Variants in MTA1 observed in about 807,000 individuals in gnomAD.
MTA1 encodes the protein metastasis associated 1, also known as metastasis-associated protein MTA1.
In MTA1, 15 loss-of-function variants were observed where a neutral mutation model predicts 97.0. That is an observed-to-expected ratio of 0.15 (90% CI 0.10 to 0.24). MTA1 has a LOEUF of 0.24. MTA1 is among the 10% of genes least tolerant of loss of function. The probability of loss-of-function intolerance (pLI) is 1.00; values close to 1 mark genes in which losing one functional copy is unlikely to be tolerated. For synonymous variants in MTA1, 435 were observed against 417.5 expected (o/e 1.04, Z -0.51); for missense variants, 709 against 1,015.1 (o/e 0.70, Z 4.10).
intron 6 of MTA1, among the ~76,000 whole-genome samples, chr14:105,452,079 A>T (rs1448742335): frequency 6.6e-6 from 1 of 152,202 alleles, no homozygotes; most frequent in Non-Finnish European, 1.5e-5. Flanking sequence ...GGCATGAGCC[A>T]CTGCGCCCAG....
chr14:105,426,393 AAAAG>A (rs2082015600), intron 1 of MTA1, among the ~76,000 whole-genome samples: 1 of 151,638 alleles, frequency 6.6e-6, no homozygotes, highest in Non-Finnish European at 1.5e-5. Context: ...AAAAAAAAAA[AAAAG>A]AGCCTCAAGG....
At chr14:105,443,423 G>C (rs2082611100) in intron 2 of MTA1, among the ~76,000 whole-genome samples, 1 of 152,214 alleles carries the variant, frequency 6.6e-6, no homozygotes, top group South Asian at 2.1e-4. Context: ...TCAGACCAGA[G>C]TGCAGTGGCA....
At chr14:105,447,443 G>A (rs1433832209) in intron 3 of MTA1, among the ~76,000 whole-genome samples, 1 of 152,208 alleles carries the variant, frequency 6.6e-6, no homozygotes, top group African/African-American at 2.4e-5. Flanking sequence ...GGCCCCCTTG[G>A]CTGAGGTTCT....
At chr14:105,461,940 A>G (rs2083363701) in intron 10 of MTA1, among the ~76,000 whole-genome samples, 1 of 152,244 alleles carries the variant, frequency 6.6e-6, no homozygotes, top group African/African-American at 2.4e-5. Context: ...ATGTTCAGAC[A>G]AGAGGACGAG....
At chr14:105,444,720 G>C (rs1433494864) in intron 2 of MTA1, among the ~76,000 whole-genome samples, 2 of 151,374 alleles carry the variant, frequency 1.3e-5, no homozygotes, top group African/African-American at 4.9e-5. Flanking sequence ...GAACCCAGGA[G>C]GCAGAGGTTG....
intron 2 of MTA1, among the ~76,000 whole-genome samples, chr14:105,441,554 A>G (rs111544949): frequency 0.016 from 2,428 of 152,330 alleles, 57 homozygotes; most frequent in African/African-American, 0.055. Context: ...CAGCACTTTG[A>G]GAGGCCGAGG....
intron 18 of MTA1, chr14:105,467,516 G>A (rs1282324642): frequency 2.2e-6 from 1 of 455,706 alleles, no homozygotes; most frequent in Admixed American, 2.4e-5. Context: ...ACGTCCTGTG[G>A]GGTCAGCACG....
At chr14:105,467,927 T>C in intron 18 of MTA1, 1 of 246,686 alleles carries the variant, frequency 4.1e-6, no homozygotes, top group Non-Finnish European at 8.1e-6. Flanking sequence ...CCACTGAATT[T>C]TCCACACCTC....
Position 105,465,294 on chromosome 14 carries a change from C to T in MTA1, c.1624+111C>T, listed in dbSNP as rs1399207591. 10 of 933,576 alleles carry T rather than the reference C, an allele frequency of 1.1e-5. No individual in the cohort carries two copies. In the Admixed American group the frequency reaches 1.2e-4, roughly 12 times the overall value. The allele number at this position is 933,576 out of a possible 1,614,324, so 57.8% of individuals were successfully genotyped here. The stretch of plus-strand genomic sequence containing the variant: ...TCTCTAGCTGGGAGCTCCTGGACAG[C>T]CCCCCAGGGCCTGGAACTGTCCTTT... On this transcript the variant is annotated intron_variant, in intron 16 of 20. Transcript: ENST00000331320.
chr14:105,436,467 G>C (rs929926823), intron 1 of MTA1, among the ~76,000 whole-genome samples: 1 of 152,130 alleles, frequency 6.6e-6, no homozygotes, highest in Non-Finnish European at 1.5e-5. Context: ...TCATGTTGTT[G>C]TACCACAGTC....
intron 1 of MTA1, 98 bp from the exon 2 acceptor site, chr14:105,438,574 A>G: frequency 1.9e-6 from 2 of 1,032,484 alleles, no homozygotes; most frequent in Non-Finnish European, 3.0e-6. Context: ...AGGGGATGAC[A>G]CTGCCCCGCC....
intron 4 of MTA1, 118 bp from the exon 5 acceptor site, chr14:105,449,940 G>C: frequency 7.0e-7 from 1 of 1,434,180 alleles, no homozygotes. Flanking sequence ...AGCAGGAGGA[G>C]GCACGCCTCC....
intron 6 of MTA1, among the ~76,000 whole-genome samples, chr14:105,452,326 C>G (rs1244606619): frequency 6.6e-6 from 1 of 152,246 alleles, no homozygotes; most frequent in East Asian, 1.9e-4. Context: ...CACAGACACA[C>G]CCAGGCCCTG....
At position 105,465,127 on chromosome 14, in the gene MTA1, C is replaced by T. The variant is rs1555432357; in HGVS notation, c.1568C>T (p.Pro523Leu). 96 of 1,524,306 alleles carry T rather than the reference C, an allele frequency of 6.3e-5. No homozygotes were observed. The highest frequency in any genetic ancestry group is 8.2e-5 in the Non-Finnish European group (93 of 1,131,882). 94.4% of individuals were successfully genotyped at this position (1,524,306 alleles called of 1,614,324 possible). A position where few individuals can be genotyped will look rare whatever the true frequency, so the allele number is the denominator to read the frequency against. ...TARLPEASQS[P>L]LVLKQAVRKP... ...CGGCTGCCCGAAGCCTCCCAGAGCCCGCTGGTGCTGAAGCAGGCGGTACGC... is the reference window on the plus strand; with the variant it reads ...CGGCTGCCCGAAGCCTCCCAGAGCCTGCTGGTGCTGAAGCAGGCGGTACGC... Residue 523 changes from proline (P) to leucine (L), a missense_variant, in exon 16 of 21, where the codon CCG becomes CTG. Coordinates refer to ENST00000331320, the MANE Select transcript of MTA1 (RefSeq NM_004689.4).
chr14:105,457,345 G>A (rs949681564), intron 7 of MTA1, among the ~76,000 whole-genome samples: 2 of 152,234 alleles, frequency 1.3e-5, no homozygotes, highest in Non-Finnish European at 2.9e-5. Context: ...AACCCTCCTG[G>A]CCCTGGCCGA....
At chr14:105,446,964 G>A (rs1383174956) in intron 3 of MTA1, among the ~76,000 whole-genome samples, 4 of 152,242 alleles carry the variant, frequency 2.6e-5, no homozygotes, top group Admixed American at 6.5e-5. Flanking sequence ...CAAAGCCTGT[G>A]TACTCCACTG....
chr14:105,444,748 A>T (rs1477479342), intron 2 of MTA1, among the ~76,000 whole-genome samples: 4 of 151,594 alleles, frequency 2.6e-5, no homozygotes, highest in African/African-American at 9.7e-5. Flanking sequence ...CCAAGATCAC[A>T]ACACTGCACT....
Position 105,424,256 on chromosome 14 carries a change from G to A in MTA1, c.28+4193G>A, listed in dbSNP as rs1373690911. Among the ~76,000 whole-genome samples, 3 of 151,866 alleles carry A rather than the reference G, an allele frequency of 2.0e-5. No homozygotes were observed. The highest frequency in any genetic ancestry group is 2.4e-5 in the African/African-American group (1 of 41,324). On this transcript the variant is annotated intron_variant, in intron 1 of 20. Transcript: ENST00000331320. The surrounding 1 kb of genome is among the most constrained non-coding windows in gnomAD (Gnocchi z 4.0). The stretch of plus-strand genomic sequence containing the variant: ...GTCCCCCAGGCTGGAGTGCAGTAGC[G>A]CAATCTGGGCTCACTGCAAGTCCGC...
rs1446848077 is a variant in MTA1, at chr14:105,464,789, G to A, written c.1460G>A (p.Arg487His). Residue 487 changes from arginine (R) to histidine (H), a missense_variant, in exon 15 of 21, where the codon CGT (arginine) becomes CAT (histidine). Coordinates refer to ENST00000331320, the MANE Select transcript of MTA1 (RefSeq NM_004689.4). ...ACGCGGATCGCCCGGCGCCTGTGCCGTGAGATCCTGCGCCCGTGGCACGCT... is the reference window on the plus strand; with the variant it reads ...ACGCGGATCGCCCGGCGCCTGTGCCATGAGATCCTGCGCCCGTGGCACGCT... ...KLTRIARRLC[R>H]EILRPWHAAR... 5.0e-6 allele frequency: 8 copies of A among 1,606,370 alleles called. No individual in the cohort carries two copies. The highest frequency in any genetic ancestry group is 1.3e-5 in the African/African-American group (1 of 74,904).
Sources: gnomAD v4.1 joint callset for allele counts (sites outside exome capture counted in the v4.1 genomes callset) on GRCh38, gnomAD v4.1.1 for gene constraint, Gnocchi (gnomAD v3.1) non-coding constraint, MANE v1.5 for transcripts, NCBI Gene and HGNC (gene_info 2026-07-23, HGNC 2026-07-21) for gene names.